Variants in GALC observed in about 807,000 individuals in gnomAD.
The protein encoded by GALC is galactosylceramidase, also known as galactocerebrosidase.
GALC carries 77 observed loss-of-function variants against 91.8 expected under a neutral mutation model. The observed-to-expected ratio is 0.84, with a 90% CI of 0.70 to 1.01. The LOEUF (loss-of-function observed/expected upper bound fraction) is 1.01, where lower values mean the gene tolerates loss of function less well. Ranked by LOEUF, GALC falls within the 50% of genes least tolerant of loss-of-function variation. The probability of loss-of-function intolerance (pLI) is 0.00; values close to 1 mark genes in which losing one functional copy is unlikely to be tolerated. For synonymous variants in GALC, 357 were observed against 306.7 expected (o/e 1.16, Z -1.71); for missense variants, 882 against 855.9 (o/e 1.03, Z -0.38).
intron 10 of GALC, among the ~76,000 whole-genome samples, chr14:87,960,974 A>G (rs1885777317): frequency 6.6e-6 from 1 of 152,062 alleles, no homozygotes; most frequent in Non-Finnish European, 1.5e-5. Context: ...AGTGGGCTTC[A>G]TCACAATTTA....
chr14:87,977,971 G>A (rs184383775), intron 6 of GALC, among the ~76,000 whole-genome samples: 1 of 152,102 alleles, frequency 6.6e-6, no homozygotes, highest in African/African-American at 2.4e-5. Context: ...GTAGCAAACC[G>A]AGACCAACTC....
intron 10 of GALC, among the ~76,000 whole-genome samples, chr14:87,960,105 G>A (rs1026098439): frequency 3.3e-4 from 50 of 151,988 alleles, no homozygotes; most frequent in African/African-American, 1.2e-3. Context: ...GATGCAGAAA[G>A]TAGAACAGTG....
At chr14:87,990,785 C>T (rs1887166947) in intron 1 of GALC, among the ~76,000 whole-genome samples, 1 of 152,132 alleles carries the variant, frequency 6.6e-6, no homozygotes, top group Non-Finnish European at 1.5e-5. Flanking sequence ...AAGTCAAAGG[C>T]AATATAACCA....
At chr14:87,978,811 T>A (rs79932931) in intron 6 of GALC, among the ~76,000 whole-genome samples, 17,040 of 151,154 alleles carry the variant, frequency 0.11, 1,129 homozygotes, top group Non-Finnish European at 0.16. Flanking sequence ...ACGATAAATC[T>A]TACATATCAG....
rs544945197 is a variant in GALC at position 87,976,650 on chromosome 14, C to T, written c.622-162G>A. ...GTTTTTCTCAGACAGAGGCTTCTCTCGTCGCCCAGGCTGGAGTGCAGTGGC... is the reference window on the plus strand; with the variant it reads ...GTTTTTCTCAGACAGAGGCTTCTCTTGTCGCCCAGGCTGGAGTGCAGTGGC... On this transcript the variant is annotated intron_variant, in intron 6 of 16. Transcript: ENST00000261304. The T allele has an allele frequency of 1.4e-4, 66 of 473,776 alleles. 2 individuals carry two copies. The highest frequency in any genetic ancestry group is 4.2e-4 in the South Asian group (19 of 44,904). The allele number at this position is 473,776 out of a possible 1,614,324, so 29.3% of individuals were successfully genotyped here.
upstream of GALC, chr14:87,993,285 C>A: frequency 6.5e-7 from 1 of 1,539,366 alleles, no homozygotes; most frequent in South Asian, 1.2e-5. Flanking sequence ...GGTCAAGGGC[C>A]TCTGACGCAG....
At position 87,992,984 on chromosome 14, in the gene GALC, C is replaced by G. The variant is rs1047492549; in HGVS notation, c.181G>C (p.Val61Leu). ...LGREFDGIGA[V>L]SGGGATSRLL... ...TTGCCGCTCACCCCGCCGCCGCTGA[C>G]CGCGCCGATGCCGTCGAACTCCCGG... The change falls in exon 1 of 17, where the codon GTC becomes CTC. Residue 61 changes from valine to leucine, a missense_variant. By Grantham distance (32) the Val-to-Leu change is conservative (BLOSUM62 1). Coordinates refer to ENST00000261304, the MANE Select transcript of GALC (RefSeq NM_000153.4). 1.3e-6 allele frequency: 2 copies of G among 1,528,002 alleles called. No homozygotes were observed. Among genetic ancestry groups the G allele is most frequent in the African/African-American group, 2.9e-5 (2 of 69,650 alleles). The allele number at this position is 1,528,002 out of a possible 1,614,324, so 94.7% of individuals were successfully genotyped here.
At chr14:87,958,129 CA>C (rs1431092593) in intron 10 of GALC, among the ~76,000 whole-genome samples, 3 of 119,916 alleles carry the variant, frequency 2.5e-5, no homozygotes, top group African/African-American at 7.9e-5. Flanking sequence ...CTATAGTAAC[CA>C]AAACAGCATG....
intron 9 of GALC, 109 bp downstream of exon 9, chr14:87,965,396 A>G: frequency 1.6e-6 from 2 of 1,229,090 alleles, no homozygotes; most frequent in South Asian, 1.2e-5. Context: ...ACTTAAATCT[A>G]TACTTAAAAC....
intron 9 of GALC, among the ~76,000 whole-genome samples, chr14:87,964,403 G>A (rs2139993922): frequency 6.6e-6 from 1 of 152,130 alleles, no homozygotes; most frequent in South Asian, 2.1e-4. Flanking sequence ...AAAGAAATTA[G>A]CTTTTTAGAA....
chr14:87,982,645 G>A (rs1886797812), intron 5 of GALC, among the ~76,000 whole-genome samples: 1 of 152,026 alleles, frequency 6.6e-6, no homozygotes, highest in Admixed American at 6.5e-5. Flanking sequence ...GTATTAATAT[G>A]TATACTGTAT....
intron 1 of GALC, among the ~76,000 whole-genome samples, chr14:87,990,174 G>C (rs1424851418): frequency 6.6e-6 from 1 of 152,034 alleles, no homozygotes; most frequent in African/African-American, 2.4e-5. Flanking sequence ...TCACCTCTTA[G>C]TTCCTTAAGG....
chr14:87,968,355 A>G lies in GALC; in HGVS notation c.888T>C (p.Tyr296=). 6.2e-7 allele frequency: 1 copy of G among 1,613,444 alleles called. No individual in the cohort carries two copies. Among genetic ancestry groups the G allele is most frequent in the Non-Finnish European group, 8.5e-7 (1 of 1,179,620 alleles). ...CTTACGAAGTCATATAGCCATTGAT[A>G]TAATTCTGATTTAAAATGCGACCCC... ...GCWGRILNQN[Y]INGYMTSTIA... is the part of the protein sequence containing the mutation. The change falls in exon 8 of 17, where the codon TAT becomes TAC. Residue 296 remains tyrosine (Y), a synonymous_variant. Coordinates refer to ENST00000261304, the MANE Select transcript of GALC (RefSeq NM_000153.4).
chr14:87,952,769 A>T, intron 10 of GALC: 1 of 1,532,016 alleles, frequency 6.5e-7, no homozygotes, highest in Non-Finnish European at 9.0e-7. Flanking sequence ...ATTACTTTGT[A>T]CATTCTGTTT....
chr14:87,976,054 A>G (rs1274590387), intron 7 of GALC, among the ~76,000 whole-genome samples: 3 of 152,234 alleles, frequency 2.0e-5, no homozygotes, highest in Non-Finnish European at 2.9e-5. Context: ...CTTTGCCTTT[A>G]TAATTTCTAA....
rs147875753 is a variant in GALC at position 87,961,181 on chromosome 14, A to G, written c.1161+2203T>C. The stretch of plus-strand genomic sequence containing the variant: ...AAATAGACATTTCTCCAAAGAAGAT[A>G]TACTACTAGCCAATAAGCACATGAA... On this transcript the variant is annotated intron_variant, in intron 10 of 16. Transcript: ENST00000261304. Among the ~76,000 whole-genome samples, 17 of 152,350 alleles carry G rather than the reference A, an allele frequency of 1.1e-4. No individual in the cohort carries two copies. The East Asian group carries it at 2.3e-3, about 21-fold the overall frequency.
At chr14:87,976,650 C>CT in intron 6 of GALC, 162 bp from the exon 7 acceptor site, 1 of 473,776 alleles carries the variant, frequency 2.1e-6, no homozygotes, top group African/African-American at 2.0e-5. Context: ...AGGCTTCTCT[C>CT]GTCGCCCAGG....
chr14:87,970,353 T>C (rs1396313190), intron 7 of GALC, among the ~76,000 whole-genome samples: 2 of 152,164 alleles, frequency 1.3e-5, no homozygotes, highest in African/African-American at 2.4e-5. Flanking sequence ...ATTTTTATAC[T>C]TTTCTACATT....
At chr14:87,974,926 A>G (rs182958277) in intron 7 of GALC, among the ~76,000 whole-genome samples, 2 of 152,102 alleles carry the variant, frequency 1.3e-5, no homozygotes, top group African/African-American at 2.4e-5. Flanking sequence ...CTTCATGAAG[A>G]TACAGTAAAA....
Sources: allele counts gnomAD v4.1 joint callset (sites outside exome capture counted in the v4.1 genomes callset), GRCh38; gene constraint gnomAD v4.1.1; transcripts MANE v1.5; gene names NCBI Gene and HGNC (gene_info 2026-07-23, HGNC 2026-07-21).